CNTN5: variants seen among roughly 807,000 people sequenced by gnomAD.
CNTN5 encodes contactin 5.
In CNTN5, 77 loss-of-function variants were observed where a neutral mutation model predicts 129.1. That is an observed-to-expected ratio of 0.60 (90% confidence interval 0.50 to 0.72). The LOEUF (loss-of-function observed/expected upper bound fraction) is 0.72, where lower values mean the gene tolerates loss of function less well. CNTN5 is among the 30% of genes least tolerant of loss of function. The pLI is 0.00. For synonymous variants in CNTN5, 509 were observed against 465.6 expected, an observed-to-expected ratio of 1.09 and a Z score of -1.20; for missense variants, 1,478 against 1,328.8, an observed-to-expected ratio of 1.11 and a Z score of -1.75.
intron 7 of CNTN5, among the ~76,000 whole-genome samples, chr11:99,937,534 G>T (rs952371788): frequency 6.6e-6 from 1 of 152,202 alleles, no homozygotes; most frequent in African/African-American, 2.4e-5. Flanking sequence ...CTTCGGAGAT[G>T]TGTGTGCTCA....
intron 2 of CNTN5, among the ~76,000 whole-genome samples, chr11:99,515,737 A>G (rs542577629): frequency 6.6e-6 from 1 of 152,130 alleles, no homozygotes; most frequent in East Asian, 1.9e-4. Flanking sequence ...TTCTAGATGC[A>G]TTTATGCTGT....
chr11:100,345,610 T>C (rs1466693091), intron 23 of CNTN5, among the ~76,000 whole-genome samples: 3 of 149,358 alleles, frequency 2.0e-5, no homozygotes, highest in African/African-American at 7.4e-5. Context: ...TATCACAAAA[T>C]CTTGTCAGGG....
At chr11:99,296,984 A>G (rs1018062530) in intron 1 of CNTN5, among the ~76,000 whole-genome samples, 2 of 152,218 alleles carry the variant, frequency 1.3e-5, no homozygotes, top group Non-Finnish European at 2.9e-5. Context: ...TTGAACCATC[A>G]GTGTGAAAGG....
intron 6 of CNTN5, among the ~76,000 whole-genome samples, chr11:99,864,256 C>T (rs1448890108): frequency 1.3e-5 from 2 of 151,918 alleles, no homozygotes; most frequent in Non-Finnish European, 2.9e-5. Flanking sequence ...ATTAACTGAA[C>T]ACTTAGAATG....
chr11:100,351,525 A>G (rs76257206), intron 24 of CNTN5, among the ~76,000 whole-genome samples: 4,290 of 151,356 alleles, frequency 0.028, 201 homozygotes, highest in African/African-American at 0.096. Flanking sequence ...CCAGGATCAA[A>G]ACCTGCGTAT....
chr11:99,998,954 T>C (rs1939657062), intron 8 of CNTN5, among the ~76,000 whole-genome samples: 1 of 151,824 alleles, frequency 6.6e-6, no homozygotes, highest in Admixed American at 6.6e-5. Context: ...GCTAGCCATA[T>C]GTAGAAAGCT....
intron 1 of CNTN5, among the ~76,000 whole-genome samples, chr11:99,135,701 C>A (rs748571035): frequency 5.9e-5 from 9 of 152,088 alleles, no homozygotes; most frequent in Non-Finnish European, 1.2e-4. Flanking sequence ...AAAGTAATTG[C>A]ATTTATTGCT....
intron 15 of CNTN5, among the ~76,000 whole-genome samples, chr11:100,209,762 T>G (rs1948988483): frequency 6.6e-6 from 1 of 152,194 alleles, no homozygotes; most frequent in African/African-American, 2.4e-5. Flanking sequence ...TAAACTACTA[T>G]AAAGAGACTA....
intron 8 of CNTN5, among the ~76,000 whole-genome samples, chr11:99,978,078 T>G (rs1938104322): frequency 6.6e-6 from 1 of 152,234 alleles, no homozygotes; most frequent in South Asian, 2.1e-4. Flanking sequence ...CCTAGTGACT[T>G]TCAGTGTAAC....
At chr11:100,033,328 C>G (rs574490180) in intron 9 of CNTN5, among the ~76,000 whole-genome samples, 47 of 152,238 alleles carry the variant, frequency 3.1e-4, no homozygotes, top group Non-Finnish European at 2.2e-4. Context: ...TGTTTAAAAA[C>G]ATTTTATTGT....
At chr11:99,121,336 A>C (rs1245903273) in intron 1 of CNTN5, among the ~76,000 whole-genome samples, 2 of 151,878 alleles carry the variant, frequency 1.3e-5, no homozygotes, top group African/African-American at 4.8e-5. Flanking sequence ...GGTTTCAACA[A>C]GTTGGCTAGA....
chr11:99,199,706 A>T (rs1268755191), intron 1 of CNTN5, among the ~76,000 whole-genome samples: 1 of 152,204 alleles, frequency 6.6e-6, no homozygotes, highest in Non-Finnish European at 1.5e-5. Context: ...CTCATAACTC[A>T]CACAGTATCC....
intron 13 of CNTN5, among the ~76,000 whole-genome samples, chr11:100,150,539 T>G (rs1947019806): frequency 6.7e-6 from 1 of 148,392 alleles, no homozygotes; most frequent in African/African-American, 2.4e-5. Flanking sequence ...TCTATAAATA[T>G]TTCAAAAACT....
intron 13 of CNTN5, among the ~76,000 whole-genome samples, chr11:100,176,285 G>A (rs1947961168): frequency 7.0e-6 from 1 of 142,788 alleles, no homozygotes; most frequent in Non-Finnish European, 1.5e-5. Flanking sequence ...CTCCCAAAGT[G>A]CTGGGATTAC....
intron 13 of CNTN5, among the ~76,000 whole-genome samples, chr11:100,149,188 TCTAAA>T (rs1183521888): frequency 1.3e-5 from 2 of 152,192 alleles, no homozygotes; most frequent in African/African-American, 4.8e-5. Context: ...TGTCTGTTCC[TCTAAA>T]CTAATTTCAT....
chr11:100,140,954 T>C (rs1277310310), intron 13 of CNTN5, among the ~76,000 whole-genome samples: 1 of 152,118 alleles, frequency 6.6e-6, no homozygotes, highest in Non-Finnish European at 1.5e-5. Flanking sequence ...TCAGCTGCCA[T>C]CCTTATGGGC....
intron 1 of CNTN5, among the ~76,000 whole-genome samples, chr11:99,214,762 A>G (rs1860034168): frequency 6.6e-6 from 1 of 152,148 alleles, no homozygotes; most frequent in Admixed American, 6.6e-5. Flanking sequence ...TGACAAAAAA[A>G]TTTAGGTTTC....
intron 1 of CNTN5, among the ~76,000 whole-genome samples, chr11:99,022,688 C>CAA (rs149257476): frequency 6.7e-6 from 1 of 150,120 alleles, no homozygotes; most frequent in East Asian, 1.9e-4. Flanking sequence ...GGGAAAAAGG[C>CAA]AAAAAAAATC....
At chr11:99,360,193 A>G (rs1939006959) in intron 2 of CNTN5, among the ~76,000 whole-genome samples, 1 of 152,216 alleles carries the variant, frequency 6.6e-6, no homozygotes, top group South Asian at 2.1e-4. Flanking sequence ...TGAAGGTTCC[A>G]GCCAGCCTTG....
Sources: gnomAD v4.1 joint callset for allele counts (sites outside exome capture counted in the v4.1 genomes callset) on GRCh38, gnomAD v4.1.1 for gene constraint, MANE v1.5 for transcripts, NCBI Gene and HGNC (gene_info 2026-07-23, HGNC 2026-07-21) for gene names.